NRXN1: variants seen among roughly 807,000 people sequenced by gnomAD.
NRXN1 encodes neurexin 1, also known as neurexin-1.
In NRXN1, 39 loss-of-function variants were observed where a neutral mutation model predicts 150.9. That is an observed-to-expected ratio of 0.26 (90% confidence interval 0.20 to 0.34). The LOEUF (loss-of-function observed/expected upper bound fraction) is 0.34. Among genes scored for constraint, NRXN1 ranks in the 10% least tolerant of loss-of-function variants. The probability of loss-of-function intolerance (pLI) is 1.00; values close to 1 mark genes in which losing one functional copy is unlikely to be tolerated. For synonymous variants in NRXN1, 924 were observed against 757.0 expected, an observed-to-expected ratio of 1.22 and a Z score of -3.62; for missense variants, 1,815 against 1,949.9, an observed-to-expected ratio of 0.93 and a Z score of 1.30.
At chr2:50,093,671 T>C (rs1020603967) in intron 18 of NRXN1, among the ~76,000 whole-genome samples, 1 of 152,024 alleles carries the variant, frequency 6.6e-6, no homozygotes, top group Non-Finnish European at 1.5e-5. Flanking sequence ...CCTATCTACA[T>C]GGACCCTGAG....
At chr2:50,703,021 A>C (rs1693970451) in intron 5 of NRXN1, among the ~76,000 whole-genome samples, 1 of 152,118 alleles carries the variant, frequency 6.6e-6, no homozygotes. Context: ...TAACGAACAG[A>C]CAAACAAACA....
At chr2:50,710,982 A>G (rs1017826494) in intron 5 of NRXN1, among the ~76,000 whole-genome samples, 3 of 152,216 alleles carry the variant, frequency 2.0e-5, no homozygotes, top group Admixed American at 6.5e-5. Context: ...CCCATAATAG[A>G]AAAGAATATT....
At chr2:50,034,486 C>T (rs1395005557) in intron 21 of NRXN1, among the ~76,000 whole-genome samples, 2 of 151,864 alleles carry the variant, frequency 1.3e-5, no homozygotes, top group Non-Finnish European at 2.9e-5. Context: ...ACACCGGGAC[C>T]TAGTGGAGGG....
At chr2:50,551,114 G>GC (rs1667465916) in intron 9 of NRXN1, among the ~76,000 whole-genome samples, 1 of 124,884 alleles carries the variant, frequency 8.0e-6, no homozygotes, top group African/African-American at 3.3e-5. Flanking sequence ...GGGAGGGGGA[G>GC]GGGGAGGGGG....
intron 2 of NRXN1, among the ~76,000 whole-genome samples, chr2:51,002,211 T>C (rs893734158): frequency 1.3e-5 from 2 of 152,008 alleles, no homozygotes; most frequent in East Asian, 3.9e-4. Context: ...TATTTTGTTA[T>C]AGGAACTTCA....
intron 5 of NRXN1, among the ~76,000 whole-genome samples, chr2:50,807,380 C>T (rs1055255293): frequency 2.0e-5 from 3 of 152,116 alleles, no homozygotes; most frequent in African/African-American, 7.2e-5. Flanking sequence ...TCATGAGCTT[C>T]AAGTGTTCTA....
intron 17 of NRXN1, among the ~76,000 whole-genome samples, chr2:50,379,599 G>A (rs1252041651): frequency 6.6e-6 from 1 of 151,990 alleles, no homozygotes; most frequent in Non-Finnish European, 1.5e-5. Context: ...CCCCTTTATA[G>A]CATCTTTGAG....
At chr2:50,747,321 A>C (rs1344722341) in intron 5 of NRXN1, among the ~76,000 whole-genome samples, 1 of 152,142 alleles carries the variant, frequency 6.6e-6, no homozygotes, top group African/African-American at 2.4e-5. Context: ...TGAGGAGATC[A>C]GACAAATGGG....
At chr2:50,823,741 C>T (rs1273177544) in intron 5 of NRXN1, among the ~76,000 whole-genome samples, 2 of 152,030 alleles carry the variant, frequency 1.3e-5, no homozygotes, top group African/African-American at 4.8e-5. Flanking sequence ...AGTAAATGTC[C>T]AGTAATTGGT....
chr2:50,579,439 T>C (rs1184533372), intron 8 of NRXN1, among the ~76,000 whole-genome samples: 1 of 152,162 alleles, frequency 6.6e-6, no homozygotes, highest in Admixed American at 6.5e-5. Context: ...GGCAGGAGGA[T>C]TGCTTGAACC....
intron 17 of NRXN1, among the ~76,000 whole-genome samples, chr2:50,273,255 C>G (rs1462721029): frequency 6.6e-6 from 1 of 152,076 alleles, no homozygotes; most frequent in Non-Finnish European, 1.5e-5. Context: ...ATTTTCCCCC[C>G]AATAATTACA....
chr2:50,332,371 A>T (rs1489595020), intron 17 of NRXN1, among the ~76,000 whole-genome samples: 3 of 152,226 alleles, frequency 2.0e-5, no homozygotes, highest in Non-Finnish European at 4.4e-5. Context: ...TTCTGTCCTC[A>T]GGAAATTTAA....
At chr2:50,018,681 T>C (rs2152556541) in intron 21 of NRXN1, among the ~76,000 whole-genome samples, 1 of 152,350 alleles carries the variant, frequency 6.6e-6, no homozygotes, top group East Asian at 1.9e-4. Flanking sequence ...AATGTTTTTA[T>C]AGATCAAGGC....
At chr2:50,633,740 T>C (rs1682774548) in intron 5 of NRXN1, among the ~76,000 whole-genome samples, 1 of 152,096 alleles carries the variant, frequency 6.6e-6, no homozygotes, top group Non-Finnish European at 1.5e-5. Flanking sequence ...GCAAATCCCC[T>C]ATTCTAGATA....
chr2:51,027,809 G>C lies in NRXN1; in HGVS notation c.465C>G (p.Val155=), dbSNP rs531571569. 15 of 1,613,186 alleles carry C rather than the reference G, an allele frequency of 9.3e-6. No individual in the cohort carries two copies. Among genetic ancestry groups the C allele is most frequent in the Non-Finnish European group, 1.3e-5 (15 of 1,179,628 alleles). Residue 155 remains valine (V), a synonymous_variant, in exon 2 of 23, where the codon GTC becomes GTG. Transcript: ENST00000401669. ...CGCGCAGTTCCGGGGGCAGCCCCCC[G>C]ACGAAAAGGCCGCTGAACACCGTCA... ...RDMTVFSGLF[V]GGLPPELRAA...
intron 8 of NRXN1, among the ~76,000 whole-genome samples, chr2:50,598,963 G>A (rs113016679): frequency 4.5e-4 from 68 of 151,696 alleles, no homozygotes; most frequent in Non-Finnish European, 8.5e-4. Context: ...GCAGAGACAG[G>A]GTTTCACCAT....
intron 5 of NRXN1, among the ~76,000 whole-genome samples, chr2:50,870,201 A>T (rs1434254807): frequency 2.6e-5 from 4 of 151,962 alleles, no homozygotes; most frequent in African/African-American, 7.2e-5. Context: ...CTAAATTATC[A>T]AATTTCCTAG....
chr2:50,099,198 C>T (rs1257856564), intron 18 of NRXN1, among the ~76,000 whole-genome samples: 1 of 151,964 alleles, frequency 6.6e-6, no homozygotes, highest in Non-Finnish European at 1.5e-5. Context: ...CCACACACTG[C>T]CTTAGGTGTT....
chr2:50,748,071 A>T (rs1311046898), intron 5 of NRXN1, among the ~76,000 whole-genome samples: 1 of 152,190 alleles, frequency 6.6e-6, no homozygotes, highest in Non-Finnish European at 1.5e-5. Flanking sequence ...TATTCAAAAC[A>T]ACATCATCAG....
Sources: gnomAD v4.1 joint callset for allele counts (sites outside exome capture counted in the v4.1 genomes callset) on GRCh38, gnomAD v4.1.1 for gene constraint, MANE v1.5 for transcripts, NCBI Gene and HGNC (gene_info 2026-07-23, HGNC 2026-07-21) for gene names.